Variants in FGF13 observed in about 807,000 individuals in gnomAD.
FGF13 encodes fibroblast growth factor homologous factor 2.
A neutral mutation model predicts 19.5 loss-of-function variants in FGF13; 2 were observed. That is an observed-to-expected ratio of 0.10 (90% CI 0.04 to 0.32). The LOEUF (loss-of-function observed/expected upper bound fraction) is 0.32. Among genes scored for constraint, FGF13 ranks in the 10% least tolerant of loss-of-function variants. The pLI, the probability that FGF13 is intolerant of heterozygous loss-of-function variation, is 1.00. For synonymous variants in FGF13, 72 were observed against 76.9 expected, an observed-to-expected ratio of 0.94 and a Z score of 0.33; for missense variants, 113 against 192.7, an observed-to-expected ratio of 0.59 and a Z score of 2.45.
intron 2 of FGF13, among the ~76,000 whole-genome samples, chrX:138,858,557 C>T (rs961483549): frequency 9.0e-6 from 1 of 111,358 alleles, no homozygotes; most frequent in Non-Finnish European, 1.9e-5. Flanking sequence ...GGAACTGACC[C>T]CAGCATGAAT....
At chrX:138,854,447 T>C (rs2091245101), downstream of FGF13, among the ~76,000 whole-genome samples, 1 of 111,268 alleles carries the variant, frequency 9.0e-6, no homozygotes, top group Admixed American at 9.6e-5. Context: ...AAAATATCTA[T>C]AAAAAGATGG....
chrX:138,876,302 T>G (rs2091388949), intron 1 of FGF13, among the ~76,000 whole-genome samples: 1 of 112,643 alleles, frequency 8.9e-6, no homozygotes, highest in African/African-American at 3.2e-5. Flanking sequence ...GCAGAACCTC[T>G]GATATGCTTT....
intron 3 of FGF13, among the ~76,000 whole-genome samples, chrX:138,758,365 C>A (rs1170374997): frequency 3.6e-5 from 4 of 111,987 alleles, no homozygotes; most frequent in Middle Eastern, 4.6e-3. Flanking sequence ...AAGGACCGTA[C>A]ATTTCTATGC....
chrX:139,068,796 T>C lies in FGF13; in HGVS notation c.-113+134620A>G, dbSNP rs760915258. 9.0e-3 allele frequency among the ~76,000 whole-genome samples: 1,009 copies of C among 111,545 alleles called. 11 individuals are homozygous for C. Among genetic ancestry groups the C allele is most frequent in the African/African-American group, 0.03 (928 of 30,587 alleles). On this transcript the variant is annotated intron_variant, in intron 1 of 2. Coordinates refer to the FGF13 transcript ENST00000421460. ...GATTTGACTCTCTGTTTGTCTGTTGTTGGTGTATAAGAATGCTTGTGATTT... is the reference window on the plus strand; with the variant it reads ...GATTTGACTCTCTGTTTGTCTGTTGCTGGTGTATAAGAATGCTTGTGATTT...
intron 1 of FGF13, among the ~76,000 whole-genome samples, chrX:138,931,555 C>T (rs1027575520): frequency 8.9e-6 from 1 of 111,985 alleles, no homozygotes; most frequent in Non-Finnish European, 1.9e-5. Context: ...GAACATGTCA[C>T]ATTATCTAGT....
chrX:138,747,982 C>A (rs1052312799), intron 3 of FGF13, among the ~76,000 whole-genome samples: 1 of 110,481 alleles, frequency 9.1e-6, no homozygotes, highest in South Asian at 3.9e-4. Flanking sequence ...GGAATAGTAA[C>A]CTGAAGGGAT....
chrX:138,789,961 C>T lies in FGF13; in HGVS notation c.217+67551G>A, dbSNP rs768920830. 3.2e-4 allele frequency among the ~76,000 whole-genome samples: 28 copies of T among 88,457 alleles called. 1 individual carries two copies. The South Asian group carries it at 0.017, about 54-fold the overall frequency. The allele number at this position is 88,457 out of a possible 115,157, so 76.8% of individuals were successfully genotyped here. A position where few individuals can be genotyped will look rare whatever the true frequency, so the allele number is the denominator to read the frequency against. On this transcript the variant is annotated intron_variant, in intron 3 of 6. Transcript: ENST00000436198. Reference sequence around the variant, plus strand: ...TCGGGAGGCTGAGGCAGAAGAATGGCGTGAACCTGGGAGCCGGAGGTTGCA... The same window carrying T: ...TCGGGAGGCTGAGGCAGAAGAATGGTGTGAACCTGGGAGCCGGAGGTTGCA...
chrX:138,647,434 C>T (rs1016850585), intron 3 of FGF13, among the ~76,000 whole-genome samples: 1 of 111,195 alleles, frequency 9.0e-6, no homozygotes, highest in African/African-American at 3.3e-5. Context: ...GACTAAACTG[C>T]CATCGCCTGT....
chrX:138,625,652 A>T lies in FGF13; in HGVS notation c.*7198T>A, dbSNP rs1490354065. 5 of 106,997 alleles carry T rather than the reference A, an allele frequency of 4.7e-5. No individual in the cohort carries two copies. Among genetic ancestry groups the T allele is most frequent in the African/African-American group, 1.7e-4 (5 of 29,509 alleles). 8.8% of individuals were successfully genotyped at this position (106,997 alleles called of 1,213,427 possible). ...TGAAAAAAGAAAAAAATGCTACATG[A>T]CATCCTTTGTATAAAAAGAATCTTA... is the stretch of plus-strand genomic sequence containing the variant. On this transcript the variant is annotated 3_prime_UTR_variant, in exon 5 of 5. Coordinates refer to ENST00000315930, the MANE Select transcript of FGF13 (RefSeq NM_004114.5).
At chrX:138,919,193 C>A (rs1404305201) in intron 1 of FGF13, among the ~76,000 whole-genome samples, 1 of 111,280 alleles carries the variant, frequency 9.0e-6, no homozygotes, top group African/African-American at 3.3e-5. Flanking sequence ...ACAGACAGGA[C>A]AACATTTGTG....
intron 1 of FGF13, among the ~76,000 whole-genome samples, chrX:138,989,606 G>A (rs771999718): frequency 1.8e-5 from 2 of 111,407 alleles, no homozygotes; most frequent in African/African-American, 6.5e-5. Context: ...AATTATCACA[G>A]TTATGGGAAA....
rs1048431308 is a variant in FGF13 at position 138,631,543 on chromosome X, G to C, written c.*1307C>G. ...CTACTTCAGTTACTGGCACATAATG[G>C]ACGCTCAATAAATACATGTTGGAAG... On this transcript the variant is annotated 3_prime_UTR_variant, in exon 5 of 5. Coordinates refer to ENST00000315930, the MANE Select transcript of FGF13 (RefSeq NM_004114.5). 8.9e-6 allele frequency: 1 copy of C among 112,459 alleles called. No homozygotes were observed. The highest frequency in any genetic ancestry group is 3.2e-5 in the African/African-American group (1 of 30,917). 9.3% of individuals were successfully genotyped at this position (112,459 alleles called of 1,213,427 possible).
chrX:138,892,431 G>A (rs977800778), intron 1 of FGF13, among the ~76,000 whole-genome samples: 1 of 111,787 alleles, frequency 8.9e-6, no homozygotes, highest in Non-Finnish European at 1.9e-5. Flanking sequence ...GATTAAGTAG[G>A]GAATTAGTGG....
chrX:139,028,616 TGAGAGAGAGAGAGAGA>T (rs769711673), intron 1 of FGF13, among the ~76,000 whole-genome samples: 9 of 74,311 alleles, frequency 1.2e-4, no homozygotes, highest in Non-Finnish European at 1.5e-4. Context: ...TGTGTGTGTG[TGAGAGAGAGAGAGAGA>T]GAGTGTGTGT....
intron 1 of FGF13, among the ~76,000 whole-genome samples, chrX:139,064,755 T>C (rs910961788): frequency 2.7e-5 from 3 of 111,689 alleles, no homozygotes; most frequent in Non-Finnish European, 5.6e-5. Flanking sequence ...GATAATATGC[T>C]GAAGAGTGTT....
At chrX:139,005,745 C>CA (rs201318240) in intron 1 of FGF13, among the ~76,000 whole-genome samples, 3,093 of 103,617 alleles carry the variant, frequency 0.03, 132 homozygotes, top group African/African-American at 0.1. Flanking sequence ...TTGAAATAAA[C>CA]AAAAAAAAAC....
chrX:138,641,750 G>C (rs1261940289), intron 3 of FGF13, among the ~76,000 whole-genome samples: 1 of 111,387 alleles, frequency 9.0e-6, no homozygotes, highest in Non-Finnish European at 1.9e-5. Flanking sequence ...TTATTACTGA[G>C]ATCAAAGCAT....
chrX:138,756,256 G>GA (rs1400660500), intron 3 of FGF13, among the ~76,000 whole-genome samples: 1 of 112,748 alleles, frequency 8.9e-6, no homozygotes, highest in Non-Finnish European at 1.9e-5. Context: ...TCAAACCAGA[G>GA]AAAAGAGAAG....
intron 1 of FGF13, among the ~76,000 whole-genome samples, chrX:139,180,729 C>T (rs907900627): frequency 6.3e-5 from 7 of 111,071 alleles, no homozygotes; most frequent in Non-Finnish European, 1.1e-4. Context: ...TCACAGTCCC[C>T]GATCTAAACT....
Sources: allele counts gnomAD v4.1 joint callset (sites outside exome capture counted in the v4.1 genomes callset), GRCh38; gene constraint gnomAD v4.1.1; transcripts MANE v1.5; gene names NCBI Gene and HGNC (gene_info 2026-07-23, HGNC 2026-07-21).